GLRA3: variants seen among roughly 807,000 people sequenced by gnomAD.
GLRA3 encodes glycine receptor subunit alpha-3.
GLRA3 carries 44 observed loss-of-function variants against 60.4 expected under a neutral mutation model. That is an observed-to-expected ratio of 0.73 (90% CI 0.57 to 0.94). The LOEUF (loss-of-function observed/expected upper bound fraction) is 0.94. Ranked by LOEUF, GLRA3 falls within the 40% of genes least tolerant of loss-of-function variation. The pLI is 0.00. For synonymous variants in GLRA3, 223 were observed against 192.9 expected, an observed-to-expected ratio of 1.16 and a Z score of -1.29; for missense variants, 508 against 564.6, an observed-to-expected ratio of 0.90 and a Z score of 1.02.
chr4:174,785,377 A>G (rs1739081502), intron 2 of GLRA3, among the ~76,000 whole-genome samples: 1 of 152,156 alleles, frequency 6.6e-6, no homozygotes, highest in South Asian at 2.1e-4. Context: ...ACTTGTGAAA[A>G]CAATCACAAA....
chr4:174,718,364 C>A (rs1266591090), intron 4 of GLRA3, among the ~76,000 whole-genome samples: 1 of 152,198 alleles, frequency 6.6e-6, no homozygotes, highest in Non-Finnish European at 1.5e-5. Flanking sequence ...ACACTAAGTT[C>A]TCTTTCTGAG....
chr4:174,766,126 T>C (rs1317387534), intron 3 of GLRA3, among the ~76,000 whole-genome samples: 2 of 151,978 alleles, frequency 1.3e-5, no homozygotes, highest in African/African-American at 4.8e-5. Context: ...CATAATTCTC[T>C]AATATTGGTT....
intron 3 of GLRA3, among the ~76,000 whole-genome samples, chr4:174,752,466 A>G (rs1006404358): frequency 3.3e-5 from 5 of 152,170 alleles, no homozygotes; most frequent in African/African-American, 1.2e-4. Flanking sequence ...AAGTGAAACA[A>G]TGTCACAGCT....
chr4:174,728,656 G>A lies in GLRA3; in HGVS notation c.310C>T (p.Pro104Ser), dbSNP rs765420954. ...NIFLRQKWND[P>S]RLAYSEYPDD... Reference sequence around the variant, plus strand: ...GGATATTCACTGTACGCGAGGCGGGGATCATTCCATTTCTGACGAAGAAAG... The same window carrying A: ...GGATATTCACTGTACGCGAGGCGGGAATCATTCCATTTCTGACGAAGAAAG... Residue 104 changes from proline to serine, a missense_variant, in exon 4 of 10, where the codon CCC (proline) becomes TCC (serine). This residue lies in a region of GLRA3 where 329 missense variants were observed against 349.3 expected (regional missense o/e 0.94). Coordinates refer to ENST00000274093, the MANE Select transcript of GLRA3 (RefSeq NM_006529.4). 2 of 1,609,758 alleles carry A rather than the reference G, an allele frequency of 1.2e-6. No homozygotes were observed. Among genetic ancestry groups the A allele is most frequent in the Non-Finnish European group, 1.7e-6 (2 of 1,176,278 alleles).
At chr4:174,677,419 G>T (rs1734176758) in intron 6 of GLRA3, 127 bp from the exon 7 acceptor site, 3 of 622,730 alleles carry the variant, frequency 4.8e-6, no homozygotes, top group Non-Finnish European at 5.7e-6. Context: ...GAGTGAAGTG[G>T]CATGATCTCA....
At chr4:174,789,993 A>G (rs1281943545) in intron 1 of GLRA3, among the ~76,000 whole-genome samples, 3 of 152,192 alleles carry the variant, frequency 2.0e-5, no homozygotes, top group Non-Finnish European at 2.9e-5. Context: ...GAGAAGTACA[A>G]CTGGGGCTTA....
intron 3 of GLRA3, among the ~76,000 whole-genome samples, chr4:174,751,161 T>C (rs1005675433): frequency 2.0e-5 from 3 of 152,024 alleles, no homozygotes; most frequent in Admixed American, 6.6e-5. Context: ...ATCTACATTT[T>C]TTAGTAAGTC....
At chr4:174,677,446 G>A (rs115009641) in intron 6 of GLRA3, among the ~76,000 whole-genome samples, 154 bp from the exon 7 acceptor site, 18 of 151,736 alleles carry the variant, frequency 1.2e-4, no homozygotes, top group Non-Finnish European at 2.4e-4. Flanking sequence ...TGTAGCCTGC[G>A]CCTCCTGGAT....
chr4:174,639,495 C>T lies in GLRA3; in HGVS notation c.*4291G>A, dbSNP rs1732578090. ...AGACCAAAAAAACAGGTAAGTGGGT[C>T]CTAGCTACTAACTTGGGATTATATC... On this transcript the variant is annotated 3_prime_UTR_variant, in exon 10 of 10. Coordinates refer to ENST00000274093, the MANE Select transcript of GLRA3 (RefSeq NM_006529.4). The T allele has an allele frequency of 6.6e-6, 1 of 151,506 alleles. No individual in the cohort carries two copies. The highest frequency in any genetic ancestry group is 2.1e-4 in the South Asian group (1 of 4,806). 9.4% of individuals were successfully genotyped at this position (151,506 alleles called of 1,614,324 possible).
chr4:174,765,522 C>T (rs946717916), intron 3 of GLRA3, among the ~76,000 whole-genome samples: 1 of 151,902 alleles, frequency 6.6e-6, no homozygotes, highest in African/African-American at 2.4e-5. Context: ...GAGAAAATTG[C>T]CAGGGCTGGA....
rs752827505 is a variant in GLRA3 at position 174,715,473 on chromosome 4, G to T, written c.574+15C>A. ...AATGTAAAAGTATTTTAAAAAGTAAGTGGTTCATACTTACAGCTTTCCAGT... is the reference window on the plus strand; with the variant it reads ...AATGTAAAAGTATTTTAAAAAGTAATTGGTTCATACTTACAGCTTTCCAGT... On this transcript the variant is annotated intron_variant, in intron 5 of 9. Coordinates refer to ENST00000274093, the MANE Select transcript of GLRA3 (RefSeq NM_006529.4). 2 of 1,224,830 alleles carry T rather than the reference G, an allele frequency of 1.6e-6. No homozygotes were observed. Among genetic ancestry groups the T allele is most frequent in the South Asian group, 2.6e-5 (2 of 77,208 alleles). 75.9% of individuals were successfully genotyped at this position (1,224,830 alleles called of 1,614,324 possible). A position where few individuals can be genotyped will look rare whatever the true frequency, so the allele number is the denominator to read the frequency against.
chr4:174,654,636 G>A (rs1733131766), intron 9 of GLRA3, among the ~76,000 whole-genome samples: 1 of 152,108 alleles, frequency 6.6e-6, no homozygotes, highest in African/African-American at 2.4e-5. Flanking sequence ...TACATGAAAT[G>A]CATTAAAGCA....
At chr4:174,706,508 T>C (rs1321788550) in intron 5 of GLRA3, among the ~76,000 whole-genome samples, 4 of 152,230 alleles carry the variant, frequency 2.6e-5, no homozygotes, top group Non-Finnish European at 5.9e-5. Flanking sequence ...AAACACAACA[T>C]TGAAACCAAA....
chr4:174,772,381 TTTATTCTCCACCTGG>T (rs1738425477), intron 2 of GLRA3, among the ~76,000 whole-genome samples: 1 of 152,184 alleles, frequency 6.6e-6, no homozygotes, highest in South Asian at 2.1e-4. Flanking sequence ...AGGCCTAAAC[TTTATTCTCCACCTGG>T]TTATAACATG....
intron 1 of GLRA3, among the ~76,000 whole-genome samples, chr4:174,794,914 T>C (rs1431743165): frequency 2.0e-5 from 3 of 152,154 alleles, no homozygotes; most frequent in African/African-American, 4.8e-5. Context: ...GGACAAGAGT[T>C]TTATGAGTAG....
At chr4:174,815,163 C>G (rs541645592) in intron 1 of GLRA3, among the ~76,000 whole-genome samples, 1 of 152,202 alleles carries the variant, frequency 6.6e-6, no homozygotes, top group Non-Finnish European at 1.5e-5. Context: ...GGCAATCAAA[C>G]CTCAAAGCTC....
At chr4:174,777,703 T>A (rs906683862) in intron 2 of GLRA3, among the ~76,000 whole-genome samples, 2 of 152,234 alleles carry the variant, frequency 1.3e-5, no homozygotes, top group Non-Finnish European at 2.9e-5. Flanking sequence ...ATGTAAATTA[T>A]GGATTTCAGT....
At chr4:174,725,081 T>G (rs1736270497) in intron 4 of GLRA3, among the ~76,000 whole-genome samples, 1 of 152,244 alleles carries the variant, frequency 6.6e-6, no homozygotes, top group African/African-American at 2.4e-5. Context: ...CATTGTTTTC[T>G]CTAGTTTTTT....
At chr4:174,753,683 C>T (rs553661774) in intron 3 of GLRA3, among the ~76,000 whole-genome samples, 22 of 152,228 alleles carry the variant, frequency 1.4e-4, no homozygotes, top group South Asian at 1.0e-3. Context: ...TTGATCTCTA[C>T]GATACCTTCC....
Sources: gnomAD v4.1 joint callset for allele counts (sites outside exome capture counted in the v4.1 genomes callset) on GRCh38, gnomAD v4.1.1 for gene constraint, gnomAD v4.1.1 regional missense constraint, MANE v1.5 for transcripts, NCBI Gene and HGNC (gene_info 2026-07-23, HGNC 2026-07-21) for gene names.